Variants in PCBD2 observed in about 807,000 individuals in gnomAD.
The protein encoded by PCBD2 is pterin-4-alpha-carbinolamine dehydratase 2.
Under a neutral mutation model 16.4 loss-of-function variants are expected in PCBD2, and 12 were observed. The ratio of observed to expected loss-of-function variants is 0.73; its 90% CI spans 0.47 to 1.19. PCBD2 has a LOEUF of 1.19. Ranked by LOEUF, PCBD2 falls within the 50% of genes most tolerant of loss-of-function variation. The probability of loss-of-function intolerance (pLI) is 0.00; values close to 1 mark genes in which losing one functional copy is unlikely to be tolerated. For missense variants in PCBD2, 138 were observed against 156.8 expected (o/e 0.88, Z 0.64); for synonymous variants, 58 against 61.8 (o/e 0.94, Z 0.29).
chr5:134,938,198 C>T (rs1355180236), intron 2 of PCBD2, among the ~76,000 whole-genome samples: 3 of 152,154 alleles, frequency 2.0e-5, no homozygotes, highest in Non-Finnish European at 4.4e-5. Context: ...AGCTGCCATG[C>T]CTACGATGTC....
intron 2 of PCBD2, among the ~76,000 whole-genome samples, chr5:134,956,065 G>A (rs1751411546): frequency 6.6e-6 from 1 of 152,106 alleles, no homozygotes; most frequent in Non-Finnish European, 1.5e-5. Flanking sequence ...ACATATTTTG[G>A]GGATTGGTTG....
intron 2 of PCBD2, among the ~76,000 whole-genome samples, chr5:134,910,682 C>G (rs1750758886): frequency 2.0e-5 from 3 of 152,174 alleles, no homozygotes; most frequent in Admixed American, 6.5e-5. Context: ...GTTTGTGTTA[C>G]TTGGAAAACA....
At chr5:134,927,377 A>G in intron 2 of PCBD2, 3 of 398,470 alleles carry the variant, frequency 7.5e-6, no homozygotes, top group Non-Finnish European at 8.8e-6. Flanking sequence ...GGGCTTCGAC[A>G]TGGGCTTTAG....
At chr5:134,922,282 C>T (rs1298149580) in intron 2 of PCBD2, among the ~76,000 whole-genome samples, 2 of 152,220 alleles carry the variant, frequency 1.3e-5, no homozygotes, top group East Asian at 1.9e-4. Context: ...TGGGCTCAAG[C>T]GATCCTCCTG....
chr5:134,942,033 A>C (rs1211873034), intron 2 of PCBD2, among the ~76,000 whole-genome samples: 1 of 147,006 alleles, frequency 6.8e-6, no homozygotes, highest in African/African-American at 2.5e-5. Flanking sequence ...GGGGGGGCTG[A>C]GGCAGGAGAA....
chr5:134,941,118 GAAAAAA>G (rs764468793), intron 2 of PCBD2, among the ~76,000 whole-genome samples: 1 of 80,212 alleles, frequency 1.2e-5, no homozygotes, highest in Non-Finnish European at 2.5e-5. Flanking sequence ...CCATCTCAAG[GAAAAAA>G]AAAAAAAAAA....
At chr5:134,947,151 A>G (rs1161127317) in intron 2 of PCBD2, among the ~76,000 whole-genome samples, 1 of 147,600 alleles carries the variant, frequency 6.8e-6, no homozygotes, top group Non-Finnish European at 1.5e-5. Flanking sequence ...GGAGTGCCAT[A>G]GTGCGATAAT....
chr5:134,906,239 C>T, intron 1 of PCBD2, among the ~76,000 whole-genome samples: 1 of 114,516 alleles, frequency 8.7e-6, no homozygotes, highest in South Asian at 2.9e-4. Flanking sequence ...AGAATCACGC[C>T]GTCACCCAGG....
In PCBD2 at chr5:134,933,461, C is replaced by T. The variant is rs557064998; in HGVS notation, c.216+22995C>T. Among the ~76,000 whole-genome samples the T allele has an allele frequency of 1.6e-3, 251 of 152,234 alleles. 1 individual carries two copies. Among genetic ancestry groups the T allele is most frequent in the Middle Eastern group, 6.8e-3 (2 of 294 alleles). On this transcript the variant is annotated intron_variant, in intron 2 of 3. Transcript: ENST00000254908. ...ATATTGCGCAGGCTGGTCTTGAACT[C>T]CTGGGTTCAAGCAGTCCACCCACCT...
At chr5:134,960,079 C>A (rs938222239) in intron 3 of PCBD2, among the ~76,000 whole-genome samples, 8 of 151,822 alleles carry the variant, frequency 5.3e-5, no homozygotes, top group African/African-American at 1.9e-4. Flanking sequence ...GGGGTTTCAC[C>A]ATGTTGGCCA....
At chr5:134,943,849 A>G (rs554285378) in intron 2 of PCBD2, among the ~76,000 whole-genome samples, 9 of 152,338 alleles carry the variant, frequency 5.9e-5, no homozygotes, top group Non-Finnish European at 1.0e-4. Context: ...ACTGATCTTT[A>G]TGAGCAAAGA....
At chr5:134,930,708 A>G (rs1215904471) in intron 2 of PCBD2, among the ~76,000 whole-genome samples, 4 of 152,150 alleles carry the variant, frequency 2.6e-5, no homozygotes, top group Non-Finnish European at 5.9e-5. Flanking sequence ...GCCACCCACA[A>G]CTACAGCCAC....
intron 2 of PCBD2, chr5:134,926,955 A>G: frequency 2.5e-6 from 1 of 398,564 alleles, no homozygotes; most frequent in East Asian, 3.6e-5. Context: ...GAGGCTTGCT[A>G]GAAGTCATCA....
At chr5:134,907,325 A>G (rs1222529129) in intron 1 of PCBD2, among the ~76,000 whole-genome samples, 2 of 152,132 alleles carry the variant, frequency 1.3e-5, no homozygotes, top group Admixed American at 6.5e-5. Flanking sequence ...GCGCACTGCA[A>G]CTTTGCCTCC....
intron 2 of PCBD2, among the ~76,000 whole-genome samples, chr5:134,929,270 C>T (rs1353764730): frequency 1.3e-5 from 2 of 151,202 alleles, no homozygotes; most frequent in Non-Finnish European, 2.9e-5. Flanking sequence ...TTGCTTGAGG[C>T]CAGGAGTTTG....
At chr5:134,957,720 C>T (rs186720103) in intron 2 of PCBD2, among the ~76,000 whole-genome samples, 22 of 152,230 alleles carry the variant, frequency 1.4e-4, no homozygotes, top group Middle Eastern at 3.4e-3. Context: ...GGCTTTTGTC[C>T]CTTCCCTTCA....
At chr5:134,956,163 A>AT (rs1751412980) in intron 2 of PCBD2, among the ~76,000 whole-genome samples, 1 of 152,228 alleles carries the variant, frequency 6.6e-6, no homozygotes, top group Non-Finnish European at 1.5e-5. Context: ...TTAAGAATAA[A>AT]TCCTGTGTAA....
At chr5:134,915,938 C>G (rs1468764814) in intron 2 of PCBD2, among the ~76,000 whole-genome samples, 1 of 152,116 alleles carries the variant, frequency 6.6e-6, no homozygotes, top group African/African-American at 2.4e-5. Flanking sequence ...ACAGTCAGAA[C>G]TAAAGACACC....
chr5:134,911,026 G>A (rs899073880), intron 2 of PCBD2, among the ~76,000 whole-genome samples: 3 of 152,144 alleles, frequency 2.0e-5, no homozygotes, highest in Non-Finnish European at 2.9e-5. Flanking sequence ...GGCCTCAAGC[G>A]ATCCTCCTGC....
Sources: allele counts gnomAD v4.1 joint callset (sites outside exome capture counted in the v4.1 genomes callset), GRCh38; gene constraint gnomAD v4.1.1; transcripts MANE v1.5; gene names NCBI Gene and HGNC (gene_info 2026-07-23, HGNC 2026-07-21).